HNF4A: variants seen among roughly 807,000 people sequenced by gnomAD.
The protein encoded by HNF4A is hepatocyte nuclear factor 4 alpha, also known as hepatocyte nuclear factor 4-alpha.
Under a neutral mutation model 52.4 loss-of-function variants are expected in HNF4A, and 15 were observed. The observed-to-expected ratio is 0.29, with a 90% confidence interval of 0.19 to 0.44. The LOEUF (loss-of-function observed/expected upper bound fraction) is 0.44, where lower values mean the gene tolerates loss of function less well. HNF4A is among the 20% of genes least tolerant of loss of function. The pLI, the probability that HNF4A is intolerant of heterozygous loss-of-function variation, is 1.00. For missense variants in HNF4A, 479 were observed against 647.2 expected, an observed-to-expected ratio of 0.74 and a Z score of 2.82; for synonymous variants, 280 against 264.4, an observed-to-expected ratio of 1.06 and a Z score of -0.57.
At chr20:44,381,219 C>T (rs1473368742) in intron 1 of HNF4A, among the ~76,000 whole-genome samples, 3 of 151,872 alleles carry the variant, frequency 2.0e-5, no homozygotes, top group Non-Finnish European at 4.4e-5. Context: ...AAGTTTCCTC[C>T]CTGTAGCATC....
intron 1 of HNF4A, among the ~76,000 whole-genome samples, chr20:44,370,156 T>C (rs796657745): frequency 6.6e-6 from 1 of 152,226 alleles, no homozygotes; most frequent in East Asian, 1.9e-4. Flanking sequence ...CCCCCCCAAG[T>C]AGCTGGGACT....
intron 1 of HNF4A, among the ~76,000 whole-genome samples, chr20:44,388,630 T>A (rs1250920789): frequency 6.6e-6 from 1 of 152,080 alleles, no homozygotes; most frequent in Non-Finnish European, 1.5e-5. Flanking sequence ...ATTGGCGGGA[T>A]TGCTGTGATT....
At chr20:44,370,414 C>A (rs2063022301) in intron 1 of HNF4A, among the ~76,000 whole-genome samples, 1 of 152,190 alleles carries the variant, frequency 6.6e-6, no homozygotes, top group African/African-American at 2.4e-5. Flanking sequence ...GCCAGGAATG[C>A]CTCTTCCCCA....
At chr20:44,376,189 C>T (rs1484387569) in intron 1 of HNF4A, among the ~76,000 whole-genome samples, 4 of 152,192 alleles carry the variant, frequency 2.6e-5, no homozygotes, top group Non-Finnish European at 4.4e-5. Context: ...TGCTTCAACC[C>T]GGGAGGCAGA....
intron 1 of HNF4A, among the ~76,000 whole-genome samples, chr20:44,358,438 C>T (rs2062882335): frequency 1.3e-5 from 2 of 151,840 alleles, no homozygotes; most frequent in Non-Finnish European, 2.9e-5. Flanking sequence ...GGCAAAACCC[C>T]GTCTCTACTA....
chr20:44,382,570 C>T lies in HNF4A; in HGVS notation c.50-23488C>T, dbSNP rs532026200. Among the ~76,000 whole-genome samples, 7 of 152,294 alleles carry T rather than the reference C, an allele frequency of 4.6e-5. No individual in the cohort carries two copies. The South Asian group carries it at 1.2e-3, about 27-fold the overall frequency. ...GGGGCATAGCTTTCTCATCCTCTGC[C>T]ATCCTAGGAAAATTTTAAGTATTCA... On this transcript the variant is annotated intron_variant, in intron 1 of 9. Coordinates refer to the HNF4A transcript ENST00000316673.
Position 44,423,960 on chromosome 20 carries a change from C to A in HNF4A, c.893-58C>A, listed in dbSNP as rs1457449226. 6 of 1,542,600 alleles carry A rather than the reference C, an allele frequency of 3.9e-6. No individual in the cohort carries two copies. In the Admixed American group the frequency reaches 6.9e-5, roughly 18 times the overall value. ...GTCAGGGGACATCTGGGTCTTGACT[C>A]CCCAGATGCTCCAGCTGGACCCTGC... On this transcript the variant is annotated intron_variant, in intron 7 of 9. Coordinates refer to ENST00000316099, the MANE Select transcript of HNF4A (RefSeq NM_000457.6).
Position 44,428,632 on chromosome 20 carries a change from A to G in HNF4A, c.1282+145A>G, listed in dbSNP as rs1047214111. ...TAGGGAATAAAGGGCAAGATTGTCC[A>G]TTTGTTGAGGCTGTTTATTCAGTAA... On this transcript the variant is annotated intron_variant, in intron 9 of 9. Transcript: ENST00000316099. 9 of 804,966 alleles carry G rather than the reference A, an allele frequency of 1.1e-5. No individual in the cohort carries two copies. In the South Asian group the frequency reaches 1.3e-4, roughly 12 times the overall value. The allele number at this position is 804,966 out of a possible 1,614,324, so 49.9% of individuals were successfully genotyped here. A position where few individuals can be genotyped will look rare whatever the true frequency, so the allele number is the denominator to read the frequency against.
In HNF4A at chr20:44,430,429, C is replaced by T. The variant is rs537782818; in HGVS notation, c.*764C>T. 2.8e-4 allele frequency: 42 copies of T among 152,464 alleles called. No individual in the cohort carries two copies. The highest frequency in any genetic ancestry group is 6.5e-4 in the African/African-American group (27 of 41,536). 9.4% of individuals were successfully genotyped at this position (152,464 alleles called of 1,614,324 possible). ...ACCCGAGAAAACAAACCCAGGTTGG[C>T]GACTGCAACAGGAACTTGGAGTGGA... On this transcript the variant is annotated 3_prime_UTR_variant, in exon 10 of 10. Coordinates refer to ENST00000316099, the MANE Select transcript of HNF4A (RefSeq NM_000457.6).
chr20:44,404,385 G>A (rs565627393), intron 1 of HNF4A, among the ~76,000 whole-genome samples: 1 of 152,152 alleles, frequency 6.6e-6, no homozygotes, highest in African/African-American at 2.4e-5. Flanking sequence ...AGGCTGTGCT[G>A]TTACCTACAG....
At position 44,369,552 on chromosome 20, in the gene HNF4A, G is replaced by A. The variant is rs2063010066; in HGVS notation, c.49+13699G>A. On this transcript the variant is annotated intron_variant, in intron 1 of 9. Coordinates refer to the HNF4A transcript ENST00000316673. Reference sequence around the variant, plus strand: ...CAGTTGGGACAGGAAGTCATGAAGGGAATGGGGCAGAGTTAGAGAAGGTCA... The same window carrying A: ...CAGTTGGGACAGGAAGTCATGAAGGAAATGGGGCAGAGTTAGAGAAGGTCA... 3.9e-5 allele frequency among the ~76,000 whole-genome samples: 6 copies of A among 152,252 alleles called. No homozygotes were observed. In the South Asian group the frequency reaches 1.2e-3, roughly 32 times the overall value.
chr20:44,355,924 C>T lies in HNF4A; in HGVS notation c.49+71C>T, dbSNP rs1026797919. 66 of 1,345,984 alleles carry T rather than the reference C, an allele frequency of 4.9e-5. No individual in the cohort carries two copies. In the South Asian group the frequency reaches 5.9e-4, roughly 12 times the overall value. The allele number at this position is 1,345,984 out of a possible 1,614,324, so 83.4% of individuals were successfully genotyped here. On this transcript the variant is annotated intron_variant, in intron 1 of 9. Transcript: ENST00000316673. The stretch of plus-strand genomic sequence containing the variant: ...GCTTTGGGAGGCCATGGGACACCTC[C>T]CCGTGTGTTTCTTACGGGCCCAAAG...
intron 1 of HNF4A, among the ~76,000 whole-genome samples, chr20:44,393,076 C>T (rs541653386): frequency 6.6e-6 from 1 of 152,186 alleles, no homozygotes; most frequent in African/African-American, 2.4e-5. Context: ...TATGGGGAGA[C>T]CAAGGGTGGC....
intron 3 of HNF4A, among the ~76,000 whole-genome samples, chr20:44,412,225 C>G (rs947431007): frequency 6.6e-6 from 1 of 152,114 alleles, no homozygotes; most frequent in African/African-American, 2.4e-5. Context: ...CTTTCCTTCT[C>G]AGAGAGAGAC....
intron 1 of HNF4A, among the ~76,000 whole-genome samples, chr20:44,364,644 A>G (rs2062952904): frequency 6.6e-6 from 1 of 151,732 alleles, no homozygotes; most frequent in Non-Finnish European, 1.5e-5. Context: ...TACTTTTTGT[A>G]TTTTTACTAG....
At chr20:44,366,898 A>G (rs570133532) in intron 1 of HNF4A, among the ~76,000 whole-genome samples, 18 of 152,326 alleles carry the variant, frequency 1.2e-4, no homozygotes, top group South Asian at 1.0e-3. Flanking sequence ...GAGGAATACA[A>G]GTGTCTAGGG....
Position 44,386,141 on chromosome 20 carries a change from G to A in HNF4A, c.50-19917G>A, listed in dbSNP as rs2063220038. On this transcript the variant is annotated intron_variant, in intron 1 of 9. Transcript: ENST00000316673. ...GCTGGGATTACAGGCGTGAGCCACC[G>A]TGCCCAGCCACCATCTGATTTTTTT... is the stretch of plus-strand genomic sequence containing the variant. Among the ~76,000 whole-genome samples the A allele has an allele frequency of 2.8e-5, 4 of 144,152 alleles. No individual in the cohort carries two copies. In the South Asian group the frequency reaches 6.6e-4, roughly 24 times the overall value. 94.6% of individuals were successfully genotyped at this position (144,152 alleles called of 152,430 possible). A position where few individuals can be genotyped will look rare whatever the true frequency, so the allele number is the denominator to read the frequency against.
At chr20:44,365,276 C>T (rs2062959240) in intron 1 of HNF4A, among the ~76,000 whole-genome samples, 1 of 152,116 alleles carries the variant, frequency 6.6e-6, no homozygotes, top group African/African-American at 2.4e-5. Context: ...TCAAGCAATC[C>T]TTCCATCTAA....
chr20:44,396,144 C>G (rs2063351104), intron 1 of HNF4A, among the ~76,000 whole-genome samples: 1 of 152,178 alleles, frequency 6.6e-6, no homozygotes, highest in Admixed American at 6.5e-5. Flanking sequence ...TGGAGGCAGA[C>G]TCGGGTTCAA....
Sources: allele counts gnomAD v4.1 joint callset (sites outside exome capture counted in the v4.1 genomes callset), GRCh38; gene constraint gnomAD v4.1.1; transcripts MANE v1.5; gene names NCBI Gene and HGNC (gene_info 2026-07-23, HGNC 2026-07-21).